CA10: variants seen among roughly 807,000 people sequenced by gnomAD.
The protein encoded by CA10 is carbonic anhydrase-related protein 10.
CA10 carries 14 observed loss-of-function variants against 44.2 expected under a neutral mutation model. That is an observed-to-expected ratio of 0.32 (90% CI 0.21 to 0.50). The LOEUF (loss-of-function observed/expected upper bound fraction) is 0.50. Ranked by LOEUF, CA10 falls within the 20% of genes least tolerant of loss-of-function variation. The pLI is 0.99. For synonymous variants in CA10, 159 were observed against 141.6 expected (o/e 1.12, Z -0.87); for missense variants, 350 against 409.7 (o/e 0.85, Z 1.26).
At chr17:51,744,104 G>A (rs1414721152) in intron 4 of CA10, among the ~76,000 whole-genome samples, 2 of 152,090 alleles carry the variant, frequency 1.3e-5, no homozygotes, top group African/African-American at 4.8e-5. Context: ...CAGATCACTT[G>A]AGGTCAGGAA....
At chr17:51,874,276 G>A (rs949422666) in intron 3 of CA10, among the ~76,000 whole-genome samples, 4 of 151,644 alleles carry the variant, frequency 2.6e-5, no homozygotes, top group Non-Finnish European at 4.4e-5. Flanking sequence ...TAAGAATCAG[G>A]TTTGGGTTCA....
intron 1 of CA10, among the ~76,000 whole-genome samples, chr17:52,125,906 T>C (rs1458156982): frequency 6.6e-6 from 1 of 152,016 alleles, no homozygotes; most frequent in Non-Finnish European, 1.5e-5. Context: ...CTGGATGGGG[T>C]GCTAGCTCAG....
At chr17:51,701,704 A>T (rs896633587) in intron 4 of CA10, among the ~76,000 whole-genome samples, 1 of 152,196 alleles carries the variant, frequency 6.6e-6, no homozygotes. Flanking sequence ...ACAGGCCAAG[A>T]AAACAATTTC....
At chr17:51,958,142 G>A (rs745905641) in intron 2 of CA10, among the ~76,000 whole-genome samples, 3 of 152,054 alleles carry the variant, frequency 2.0e-5, no homozygotes, top group Non-Finnish European at 4.4e-5. Context: ...ATTAAATGAC[G>A]TATGTAGCTG....
chr17:51,860,161 C>A (rs901242289), intron 3 of CA10, among the ~76,000 whole-genome samples: 1 of 152,124 alleles, frequency 6.6e-6, no homozygotes, highest in African/African-American at 2.4e-5. Flanking sequence ...ACCCTTTCTC[C>A]CCTAGTCTCT....
intron 6 of CA10, among the ~76,000 whole-genome samples, chr17:51,637,069 A>T (rs1912867447): frequency 6.6e-6 from 1 of 151,960 alleles, no homozygotes. Context: ...TGTGTATTGG[A>T]GTTTTAAAAT....
intron 3 of CA10, among the ~76,000 whole-genome samples, chr17:51,803,291 C>T (rs1358762252): frequency 6.6e-6 from 1 of 152,158 alleles, no homozygotes; most frequent in East Asian, 1.9e-4. Context: ...CTTCCATCCT[C>T]CTGCGATGGG....
chr17:51,903,993 G>A (rs201583164), intron 3 of CA10, among the ~76,000 whole-genome samples: 1 of 151,654 alleles, frequency 6.6e-6, no homozygotes, highest in South Asian at 2.1e-4. Context: ...GAAACGTATG[G>A]TCTGGTGTGC....
intron 1 of CA10, among the ~76,000 whole-genome samples, chr17:52,156,351 G>C (rs1273529285): frequency 6.6e-6 from 1 of 152,224 alleles, no homozygotes; most frequent in Non-Finnish European, 1.5e-5. Flanking sequence ...AGTCCCACTA[G>C]AGGAGTTGGG....
intron 4 of CA10, among the ~76,000 whole-genome samples, chr17:51,715,222 G>T (rs570555898): frequency 2.6e-5 from 4 of 152,008 alleles, no homozygotes; most frequent in South Asian, 2.1e-4. Context: ...GTTGTGGGGT[G>T]GGGGGTGGAG....
chr17:52,034,234 AAG>A (rs1164200209), intron 2 of CA10, among the ~76,000 whole-genome samples: 8 of 152,210 alleles, frequency 5.3e-5, no homozygotes, highest in East Asian at 1.9e-4. Flanking sequence ...AGAGAGCAGA[AAG>A]AAACTTCTGG....
intron 3 of CA10, among the ~76,000 whole-genome samples, chr17:51,918,849 T>G (rs1982111183): frequency 6.6e-6 from 1 of 152,208 alleles, no homozygotes; most frequent in Non-Finnish European, 1.5e-5. Context: ...ATCTAACTTT[T>G]TAAAACGTTA....
intron 3 of CA10, among the ~76,000 whole-genome samples, chr17:51,896,097 C>G (rs1981056364): frequency 6.6e-6 from 1 of 151,778 alleles, no homozygotes; most frequent in Non-Finnish European, 1.5e-5. Flanking sequence ...TTATTCTAAG[C>G]TTTTATATTG....
intron 4 of CA10, among the ~76,000 whole-genome samples, chr17:51,690,167 T>G (rs1915142659): frequency 6.6e-6 from 1 of 152,144 alleles, no homozygotes; most frequent in Non-Finnish European, 1.5e-5. Flanking sequence ...AGGCTGATCT[T>G]GAACTCCTGA....
intron 3 of CA10, among the ~76,000 whole-genome samples, chr17:51,798,916 C>T (rs938898283): frequency 2.6e-5 from 4 of 152,116 alleles, no homozygotes; most frequent in African/African-American, 9.7e-5. Flanking sequence ...TTTAATGGCT[C>T]CAGGAAGAAC....
intron 1 of CA10, among the ~76,000 whole-genome samples, chr17:52,140,782 G>C (rs1353305550): frequency 6.6e-6 from 1 of 152,146 alleles, no homozygotes; most frequent in Non-Finnish European, 1.5e-5. Flanking sequence ...TCTCTCTGTG[G>C]CCAGCCTAAG....
At chr17:51,833,699 A>C (rs1908368267) in intron 3 of CA10, among the ~76,000 whole-genome samples, 1 of 152,170 alleles carries the variant, frequency 6.6e-6, no homozygotes, top group South Asian at 2.1e-4. Flanking sequence ...GTTTTGTAAA[A>C]TTTTCATTGA....
intron 6 of CA10, among the ~76,000 whole-genome samples, chr17:51,642,283 A>C (rs1913121164): frequency 6.6e-6 from 1 of 152,202 alleles, no homozygotes; most frequent in Non-Finnish European, 1.5e-5. Context: ...AAGTTCAATT[A>C]AGCATAGAGA....
At chr17:51,927,044 T>C (rs978558753) in intron 3 of CA10, among the ~76,000 whole-genome samples, 1 of 152,178 alleles carries the variant, frequency 6.6e-6, no homozygotes, top group Admixed American at 6.5e-5. Context: ...AGTATTATCC[T>C]TCATCCCAGT....
Sources: gnomAD v4.1 joint callset for allele counts (sites outside exome capture counted in the v4.1 genomes callset) on GRCh38, gnomAD v4.1.1 for gene constraint, MANE v1.5 for transcripts, NCBI Gene and HGNC (gene_info 2026-07-23, HGNC 2026-07-21) for gene names.